Variants in SPAG1 observed in about 807,000 individuals in gnomAD.
SPAG1 encodes sperm associated antigen 1, also known as sperm-associated antigen 1.
In SPAG1, 69 loss-of-function variants were observed where a neutral mutation model predicts 100.5. The ratio of observed to expected loss-of-function variants is 0.69; its 90% CI spans 0.57 to 0.84. SPAG1 has a LOEUF of 0.84. SPAG1 is among the 40% of genes least tolerant of loss of function. The pLI, the probability that SPAG1 is intolerant of heterozygous loss-of-function variation, is 0.00. For synonymous variants in SPAG1, 336 were observed against 411.6 expected (o/e 0.82, Z 2.22); for missense variants, 955 against 1,133.1 (o/e 0.84, Z 2.26).
intron 3 of SPAG1, among the ~76,000 whole-genome samples, chr8:100,175,820 G>A (rs1337882513): frequency 6.6e-6 from 1 of 152,138 alleles, no homozygotes; most frequent in Non-Finnish European, 1.5e-5. Flanking sequence ...CAGAAAAAGT[G>A]TTCTTGAACC....
chr8:100,203,671 T>C (rs1817385080), intron 10 of SPAG1, among the ~76,000 whole-genome samples: 2 of 152,154 alleles, frequency 1.3e-5, no homozygotes, highest in Admixed American at 1.3e-4. Context: ...CCAAGGAACA[T>C]AATGAAGCTG....
At chr8:100,207,739 C>A (rs578030668) in intron 10 of SPAG1, among the ~76,000 whole-genome samples, 2 of 152,198 alleles carry the variant, frequency 1.3e-5, no homozygotes, top group Non-Finnish European at 2.9e-5. Context: ...TTATTCCACA[C>A]GGCATTGCCT....
At chr8:100,170,514 A>C (rs150668980) in intron 3 of SPAG1, among the ~76,000 whole-genome samples, 1 of 152,286 alleles carries the variant, frequency 6.6e-6, no homozygotes, top group African/African-American at 2.4e-5. Context: ...TGCTATACTC[A>C]TTAAACAACA....
At chr8:100,160,185 A>T (rs1305148798) in intron 1 of SPAG1, among the ~76,000 whole-genome samples, 6 of 152,216 alleles carry the variant, frequency 3.9e-5, no homozygotes, top group Admixed American at 3.9e-4. Context: ...CCTTATTCCC[A>T]ATTCAATTAA....
Position 100,220,255 on chromosome 8 carries a change from A to G in SPAG1, c.1536-24A>G, listed in dbSNP as rs201192167. On this transcript the variant is annotated intron_variant, in intron 12 of 18. Transcript: ENST00000388798. Reference sequence around the variant, plus strand: ...AAGAGCATTTTTCAAAACAAATGGTATGTAATATTTTTGTCTTCTTTAGGG... The same window carrying G: ...AAGAGCATTTTTCAAAACAAATGGTGTGTAATATTTTTGTCTTCTTTAGGG... 40 of 1,595,064 alleles carry G rather than the reference A, an allele frequency of 2.5e-5. No individual in the cohort carries two copies. The East Asian group carries it at 5.6e-4, about 22-fold the overall frequency.
chr8:100,164,669 C>A (rs1163073855), intron 2 of SPAG1, among the ~76,000 whole-genome samples: 2 of 152,194 alleles, frequency 1.3e-5, no homozygotes, highest in Non-Finnish European at 2.9e-5. Context: ...AAGTGATCCA[C>A]CTGCCTTGGC....
chr8:100,211,929 T>C (rs559265925), intron 10 of SPAG1, among the ~76,000 whole-genome samples: 2 of 152,360 alleles, frequency 1.3e-5, no homozygotes, highest in Non-Finnish European at 2.9e-5. Context: ...CTGCCGACCC[T>C]GACTTTTGTG....
At chr8:100,240,310 G>A (rs1017811553) in intron 17 of SPAG1, 93 bp from the exon 18 acceptor site, 16 of 1,245,168 alleles carry the variant, frequency 1.3e-5, no homozygotes, top group Non-Finnish European at 1.8e-5. Context: ...CAGTCTACTT[G>A]TAGTTTTCAA....
intron 8 of SPAG1, among the ~76,000 whole-genome samples, chr8:100,190,922 A>G (rs1199715784): frequency 1.3e-5 from 2 of 152,032 alleles, no homozygotes; most frequent in Non-Finnish European, 2.9e-5. Context: ...TGCCCACCTC[A>G]GGCCCCCAAA....
At chr8:100,184,527 T>C (rs1816502203) in intron 6 of SPAG1, 101 bp from the exon 7 acceptor site, 2 of 555,306 alleles carry the variant, frequency 3.6e-6, no homozygotes, top group Non-Finnish European at 6.1e-6. Flanking sequence ...ATGATCTTTC[T>C]GCTTTCTTCT....
In SPAG1 at chr8:100,241,795, TCTG is replaced by T. The variant is rs1483131785; in HGVS notation, c.*776_*778del. 1 of 152,180 alleles carries T rather than the reference TCTG, an allele frequency of 6.6e-6. No homozygotes were observed. The highest frequency in any genetic ancestry group is 1.5e-5 in the Non-Finnish European group (1 of 68,028). The allele number at this position is 152,180 out of a possible 1,614,324, so 9.4% of individuals were successfully genotyped here. On this transcript the variant is annotated 3_prime_UTR_variant, in exon 19 of 19. Coordinates refer to ENST00000388798, the MANE Select transcript of SPAG1 (RefSeq NM_003114.5). This position sits in a 1 kb window ranked among gnomAD's most constrained non-coding sequence, Gnocchi z 5.1. ...TGTCCCCCTTCCCCCTTTTTTGTTT[TCTG>T]CTTTTATGACTGTATTTATTCCTTT...
At chr8:100,178,044 T>G in intron 4 of SPAG1, 103 bp downstream of exon 4, 1 of 848,738 alleles carries the variant, frequency 1.2e-6, no homozygotes, top group Non-Finnish European at 1.8e-6. Flanking sequence ...TGTGATGTCC[T>G]CTAGGAGAAT....
At position 100,191,981 on chromosome 8, in the gene SPAG1, T is replaced by C. The variant is rs117943760; in HGVS notation, c.939+485T>C. ...ACTGAGATTTTCCCCTGCTTACAAATGAACAAGGTGGCCTACCAGAGGATA... is the reference window on the plus strand; with the variant it reads ...ACTGAGATTTTCCCCTGCTTACAAACGAACAAGGTGGCCTACCAGAGGATA... On this transcript the variant is annotated intron_variant, in intron 9 of 18. Transcript: ENST00000388798. Among the ~76,000 whole-genome samples, 4 of 152,238 alleles carry C rather than the reference T, an allele frequency of 2.6e-5. No individual in the cohort carries two copies. In the East Asian group the frequency reaches 7.7e-4, roughly 29 times the overall value.
In SPAG1 at chr8:100,159,985, T is replaced by C. The variant is rs561435317; in HGVS notation, c.-3+1369T>C. On this transcript the variant is annotated intron_variant, in intron 1 of 18. Coordinates refer to ENST00000388798, the MANE Select transcript of SPAG1 (RefSeq NM_003114.5). ...TATGGCACATGGTAATTTAGCTCCA[T>C]AAATGTTAACTGTTATTACTAATGT... Among the ~76,000 whole-genome samples, 173 of 152,310 alleles carry C rather than the reference T, an allele frequency of 1.1e-3. 2 individuals carry two copies. The highest frequency in any genetic ancestry group is 0.011 in the Admixed American group (170 of 15,310).
chr8:100,235,771 CTG>C (rs1330456735), intron 16 of SPAG1, among the ~76,000 whole-genome samples: 1 of 152,074 alleles, frequency 6.6e-6, no homozygotes, highest in East Asian at 1.9e-4. Flanking sequence ...CCGTGCTGCC[CTG>C]TGACCCCCGC....
rs142031266 is a variant in SPAG1 at position 100,240,955 on chromosome 8, C to T, written c.2714C>T (p.Ser905Leu). ...ATTGAACAGCTGTTTGAGGACCTTT[C>T]GGACACACCAAACAACCATTTTACT... ...ELIEQLFEDL[S>L]DTPNNHFTLE... The change falls in exon 19 of 19, where the codon TCG (serine) becomes TTG (leucine). Residue 905 changes from serine to leucine, a missense_variant. Physicochemically the swap from Ser to Leu is moderately radical, Grantham distance 145 (BLOSUM62 -2). Coordinates refer to ENST00000388798, the MANE Select transcript of SPAG1 (RefSeq NM_003114.5). The T allele has an allele frequency of 3.4e-4, 549 of 1,609,926 alleles. 4 individuals are homozygous for T. The African/African-American group carries it at 5.9e-3, about 17-fold the overall frequency.
At chr8:100,162,607 G>A (rs1009253586) in intron 2 of SPAG1, among the ~76,000 whole-genome samples, 187 bp downstream of exon 2, 5 of 152,178 alleles carry the variant, frequency 3.3e-5, no homozygotes, top group South Asian at 2.1e-4. Flanking sequence ...AGCATGAGAC[G>A]CAGGCTAATT....
chr8:100,184,707 T>A lies in SPAG1; in HGVS notation c.675T>A (p.Tyr225Ter). The change falls in exon 7 of 19, where the codon TAT (tyrosine) becomes TAA (stop). Residue 225 changes from tyrosine (Y) to a stop codon, truncating the protein, a stop_gained. Transcript: ENST00000388798. LOFTEE classifies it high-confidence loss of function. Reference sequence around the variant, plus strand: ...ATGAAGCTTTCAACTCAGGAGATTATGAAGAAGCAGTGATGTATTATACCA... The same window carrying A: ...ATGAAGCTTTCAACTCAGGAGATTAAGAAGAAGCAGTGATGTATTATACCA... ...KGNEAFNSGDYEEAVMYYTRS... is the reference protein window; with the variant it reads ...KGNEAFNSGD 1.9e-6 allele frequency: 3 copies of A among 1,588,654 alleles called. No homozygotes were observed. In the South Asian group the frequency reaches 3.5e-5, roughly 19 times the overall value.
chr8:100,171,614 C>T (rs1482381657), intron 3 of SPAG1, among the ~76,000 whole-genome samples: 1 of 152,180 alleles, frequency 6.6e-6, no homozygotes, highest in Non-Finnish European at 1.5e-5. Flanking sequence ...CAGTCTTGGC[C>T]TCCCTAACGT....
Sources: allele counts gnomAD v4.1 joint callset (sites outside exome capture counted in the v4.1 genomes callset), GRCh38; gene constraint gnomAD v4.1.1; non-coding constraint Gnocchi (gnomAD v3.1); transcripts MANE v1.5; gene names NCBI Gene and HGNC (gene_info 2026-07-23, HGNC 2026-07-21).